Variants in L3MBTL4 observed in about 807,000 individuals in gnomAD.
L3MBTL4 encodes L3MBTL histone methyl-lysine binding protein 4.
In L3MBTL4, 70 loss-of-function variants were observed where a neutral mutation model predicts 84.5. The ratio of observed to expected loss-of-function variants is 0.83; its 90% confidence interval spans 0.68 to 1.01. The LOEUF (loss-of-function observed/expected upper bound fraction) is 1.01, where lower values mean the gene tolerates loss of function less well. Among genes scored for constraint, L3MBTL4 ranks in the 50% least tolerant of loss-of-function variants. The probability of loss-of-function intolerance (pLI) is 0.00; values close to 1 mark genes in which losing one functional copy is unlikely to be tolerated. For missense variants in L3MBTL4, 715 were observed against 754.8 expected, an observed-to-expected ratio of 0.95 and a Z score of 0.62; for synonymous variants, 274 against 259.8, an observed-to-expected ratio of 1.05 and a Z score of -0.52.
chr18:6,130,360 G>T (rs767605646), intron 14 of L3MBTL4, among the ~76,000 whole-genome samples: 1 of 151,846 alleles, frequency 6.6e-6, no homozygotes, highest in Non-Finnish European at 1.5e-5. Flanking sequence ...AACAATTCCA[G>T]GTAAATCCTG....
intron 16 of L3MBTL4, among the ~76,000 whole-genome samples, chr18:6,000,540 A>T (rs1366984786): frequency 6.6e-6 from 1 of 152,254 alleles, no homozygotes; most frequent in African/African-American, 2.4e-5. Flanking sequence ...AAAAGAACTT[A>T]AAAAACATTA....
intron 1 of L3MBTL4, among the ~76,000 whole-genome samples, chr18:6,370,675 T>G (rs753832532): frequency 3.3e-5 from 5 of 151,996 alleles, no homozygotes; most frequent in Non-Finnish European, 5.9e-5. Flanking sequence ...GGTTTGGCGG[T>G]GGTGAAGAGT....
rs1179682973 is a variant in L3MBTL4, at chr18:6,035,409, C to A, written c.1444+45472G>T. ...AGCACCATTTATTAAATAGGGAATC[C>A]TTTCCCCATTGCTTGTTTTTCTCAG... is the stretch of plus-strand genomic sequence containing the variant. On this transcript the variant is annotated intron_variant, in intron 16 of 18. Coordinates refer to ENST00000317931, the MANE Select transcript of L3MBTL4 (RefSeq NM_001330559.2). Among the ~76,000 whole-genome samples, 883 of 150,926 alleles carry A rather than the reference C, an allele frequency of 5.9e-3. 6 individuals carry two copies. Among genetic ancestry groups the A allele is most frequent in the African/African-American group, 0.02 (836 of 41,410 alleles).
intron 17 of L3MBTL4, among the ~76,000 whole-genome samples, chr18:5,968,321 A>G (rs749923191): frequency 5.9e-5 from 9 of 152,244 alleles, no homozygotes; most frequent in Non-Finnish European, 1.3e-4. Flanking sequence ...TAAGTGGTAT[A>G]TTCCTTAAAT....
At chr18:6,317,297 C>A (rs890730820) in intron 1 of L3MBTL4, among the ~76,000 whole-genome samples, 14 of 151,600 alleles carry the variant, frequency 9.2e-5, no homozygotes, top group African/African-American at 3.4e-4. Context: ...AGGTTGATTA[C>A]TAAGCTACTC....
chr18:6,072,925 T>TATAC (rs762853923), intron 16 of L3MBTL4, among the ~76,000 whole-genome samples: 3 of 79,590 alleles, frequency 3.8e-5, no homozygotes, highest in African/African-American at 2.1e-4. Flanking sequence ...TATATATATA[T>TATAC]ACACACATAC....
intron 12 of L3MBTL4, among the ~76,000 whole-genome samples, chr18:6,207,870 C>T (rs763947544): frequency 4.6e-5 from 7 of 151,914 alleles, no homozygotes; most frequent in Non-Finnish European, 7.4e-5. Flanking sequence ...CTTTGGGAGC[C>T]GAGGCAGGTG....
intron 5 of L3MBTL4, among the ~76,000 whole-genome samples, chr18:6,245,825 A>C (rs754168977): frequency 1.3e-5 from 2 of 152,064 alleles, no homozygotes; most frequent in Non-Finnish European, 2.9e-5. Flanking sequence ...TCCTGACCTC[A>C]AATGATCCAC....
intron 1 of L3MBTL4, among the ~76,000 whole-genome samples, chr18:6,349,840 G>A (rs951880052): frequency 3.9e-5 from 6 of 152,194 alleles, no homozygotes; most frequent in African/African-American, 1.4e-4. Context: ...TCACTGGAAG[G>A]AGCAAGAAGG....
At chr18:6,350,920 A>G (rs1166182854) in intron 1 of L3MBTL4, among the ~76,000 whole-genome samples, 2 of 152,236 alleles carry the variant, frequency 1.3e-5, no homozygotes, top group Non-Finnish European at 2.9e-5. Context: ...GGCCAGGCAC[A>G]GTGGCTCATG....
intron 13 of L3MBTL4, among the ~76,000 whole-genome samples, chr18:6,170,686 C>T (rs1237681432): frequency 1.3e-5 from 2 of 152,012 alleles, no homozygotes; most frequent in Admixed American, 6.6e-5. Context: ...CAGCGGAAAT[C>T]GTTCGTACTT....
At chr18:6,067,623 T>C (rs1259893829) in intron 16 of L3MBTL4, among the ~76,000 whole-genome samples, 4 of 152,210 alleles carry the variant, frequency 2.6e-5, no homozygotes, top group Non-Finnish European at 4.4e-5. Context: ...GTGACTTTCA[T>C]TTCCAGAAGT....
intron 5 of L3MBTL4, among the ~76,000 whole-genome samples, chr18:6,262,089 G>T (rs894955703): frequency 6.6e-6 from 1 of 152,086 alleles, no homozygotes; most frequent in Non-Finnish European, 1.5e-5. Flanking sequence ...ATGTTCTTTG[G>T]CTCAACCTCA....
chr18:6,393,331 C>G (rs955667880), intron 1 of L3MBTL4, among the ~76,000 whole-genome samples: 1 of 152,164 alleles, frequency 6.6e-6, no homozygotes, highest in Non-Finnish European at 1.5e-5. Flanking sequence ...TCACCTGACT[C>G]CTGCTGAGTC....
intron 10 of L3MBTL4, among the ~76,000 whole-genome samples, chr18:6,232,616 A>T (rs2146005288): frequency 6.6e-6 from 1 of 152,198 alleles, no homozygotes; most frequent in African/African-American, 2.4e-5. Flanking sequence ...ATGAAGCAGG[A>T]GTCATGAATA....
intron 1 of L3MBTL4, among the ~76,000 whole-genome samples, chr18:6,323,742 G>A (rs554305378): frequency 7.9e-5 from 12 of 152,356 alleles, no homozygotes; most frequent in African/African-American, 2.4e-4. Context: ...AAAGGAAGCA[G>A]AGTGTAAAAG....
chr18:6,035,283 T>C (rs2056071335), intron 16 of L3MBTL4, among the ~76,000 whole-genome samples: 1 of 152,198 alleles, frequency 6.6e-6, no homozygotes, highest in Non-Finnish European at 1.5e-5. Flanking sequence ...TGGTTTTAGG[T>C]CTAACGTTTA....
chr18:6,393,591 G>A (rs1189644991), intron 1 of L3MBTL4, among the ~76,000 whole-genome samples: 1 of 152,214 alleles, frequency 6.6e-6, no homozygotes, highest in Admixed American at 6.5e-5. Context: ...TCTCAGGACA[G>A]TTGCTTAAGC....
At chr18:6,321,229 G>A (rs2051385474) in intron 1 of L3MBTL4, among the ~76,000 whole-genome samples, 1 of 152,012 alleles carries the variant, frequency 6.6e-6, no homozygotes, top group Non-Finnish European at 1.5e-5. Flanking sequence ...ATAAATAAAT[G>A]GGACCTAATT....
Sources: gnomAD v4.1 joint callset for allele counts (sites outside exome capture counted in the v4.1 genomes callset) on GRCh38, gnomAD v4.1.1 for gene constraint, MANE v1.5 for transcripts, NCBI Gene and HGNC (gene_info 2026-07-23, HGNC 2026-07-21) for gene names.